USP7: variants seen among roughly 807,000 people sequenced by gnomAD.
USP7 encodes ubiquitin C-terminal hydrolase 7.
In USP7, 9 loss-of-function variants were observed where a neutral mutation model predicts 162.9. The observed-to-expected ratio is 0.06, with a 90% confidence interval of 0.03 to 0.10. The LOEUF is 0.10. Among genes scored for constraint, USP7 ranks in the 10% least tolerant of loss-of-function variants. The pLI is 1.00. For synonymous variants in USP7, 562 were observed against 475.9 expected, an observed-to-expected ratio of 1.18 and a Z score of -2.35; for missense variants, 715 against 1,373.7, an observed-to-expected ratio of 0.52 and a Z score of 7.58.
chr16:8,895,843 T>G (rs2061673262), intron 26 of USP7, 102 bp from the exon 27 acceptor site: 2 of 654,162 alleles, frequency 3.1e-6, no homozygotes, highest in Non-Finnish European at 4.6e-6. Context: ...CGATATGTTT[T>G]TTTTTTTTTT....
chr16:8,911,287 A>G lies in USP7; in HGVS notation c.1079-460T>C, dbSNP rs371835065. 4.9e-3 allele frequency among the ~76,000 whole-genome samples: 752 copies of G among 152,314 alleles called. 6 individuals carry two copies. Among genetic ancestry groups the G allele is most frequent in the African/African-American group, 0.017 (703 of 41,556 alleles). ...TTGGTCCTGACATCTCCCCACCCCC[A>G]CCTGTTCCAGGTGGATTGTAGATAA... On this transcript the variant is annotated intron_variant, in intron 10 of 30. Transcript: ENST00000344836.
chr16:8,917,238 T>C, intron 6 of USP7, 82 bp from the exon 7 acceptor site: 1 of 1,449,534 alleles, frequency 6.9e-7, no homozygotes. Flanking sequence ...AATCTTCATG[T>C]TTAAAAAAAT....
intron 1 of USP7, chr16:8,956,318 G>C (rs554905683): frequency 6.6e-6 from 1 of 152,228 alleles, no homozygotes; most frequent in South Asian, 2.1e-4. Flanking sequence ...CTTGAGAATG[G>C]GCCACAGCGC....
chr16:8,955,974 C>T (rs566458499), intron 1 of USP7, among the ~76,000 whole-genome samples: 26 of 152,198 alleles, frequency 1.7e-4, no homozygotes, highest in African/African-American at 6.0e-4. Flanking sequence ...AGATTACCAC[C>T]CAGACACTTG....
In USP7 at chr16:8,911,718, G is replaced by A. The variant is rs759303965; in HGVS notation, c.1079-891C>T. On this transcript the variant is annotated intron_variant, in intron 10 of 30. Coordinates refer to ENST00000344836, the MANE Select transcript of USP7 (RefSeq NM_003470.3). The stretch of plus-strand genomic sequence containing the variant: ...AGCTCAAGGGAGCGGGAACCTGCTG[G>A]GCAGAGTAGCCTAAAGCAGAATGCT... Among the ~76,000 whole-genome samples the A allele has an allele frequency of 3.7e-4, 56 of 152,222 alleles. 1 individual carries two copies. The highest frequency in any genetic ancestry group is 1.3e-4 in the Non-Finnish European group (9 of 68,042).
At chr16:8,957,805 C>CA (rs1422951043) in intron 1 of USP7, among the ~76,000 whole-genome samples, 1 of 151,524 alleles carries the variant, frequency 6.6e-6, no homozygotes, top group East Asian at 1.9e-4. Context: ...AAAACGATAA[C>CA]AAAAATAGAC....
rs143342816 is a variant in USP7, at chr16:8,923,820, G to C, written c.185-407C>G. Reference sequence around the variant, plus strand: ...GGTAAAGACCACGACATGGGACTTGGGCTGACTTTACAGAGCACGGAACAC... The same window carrying C: ...GGTAAAGACCACGACATGGGACTTGCGCTGACTTTACAGAGCACGGAACAC... On this transcript the variant is annotated intron_variant, in intron 2 of 30. Coordinates refer to ENST00000344836, the MANE Select transcript of USP7 (RefSeq NM_003470.3). Among the ~76,000 whole-genome samples, 216 of 152,268 alleles carry C rather than the reference G, an allele frequency of 1.4e-3. 1 individual carries two copies. The highest frequency in any genetic ancestry group is 5.0e-3 in the African/African-American group (209 of 41,534).
chr16:8,911,507 G>A (rs924080176), intron 10 of USP7, among the ~76,000 whole-genome samples: 5 of 152,220 alleles, frequency 3.3e-5, no homozygotes, highest in African/African-American at 1.2e-4. Flanking sequence ...CTCCGGTCAT[G>A]AAGGAAAAAC....
intron 10 of USP7, among the ~76,000 whole-genome samples, chr16:8,912,107 C>CA (rs750266512): frequency 2.0e-5 from 3 of 152,190 alleles, no homozygotes; most frequent in Admixed American, 6.5e-5. Flanking sequence ...ATCTAACACC[C>CA]AGCAAGATAA....
At chr16:8,961,122 T>C (rs1395630976) in intron 1 of USP7, among the ~76,000 whole-genome samples, 1 of 152,174 alleles carries the variant, frequency 6.6e-6, no homozygotes, top group East Asian at 1.9e-4. Flanking sequence ...CTTCATTTTA[T>C]GAGAAAAGAA....
intron 13 of USP7, among the ~76,000 whole-genome samples, chr16:8,906,026 G>C (rs1026534718): frequency 6.6e-6 from 1 of 152,196 alleles, no homozygotes; most frequent in African/African-American, 2.4e-5. Context: ...CCCAAGAGTG[G>C]TGGTGAAGAC....
chr16:8,919,682 C>A (rs1596377352), intron 5 of USP7, among the ~76,000 whole-genome samples: 1 of 150,890 alleles, frequency 6.6e-6, no homozygotes, highest in East Asian at 2.0e-4. Context: ...TACCTTCCCA[C>A]CCCCACCCCA....
chr16:8,901,184 T>A lies in USP7; in HGVS notation c.2098A>T (p.Asn700Tyr), dbSNP rs1381019671. Residue 700 changes from asparagine (N) to tyrosine (Y), a missense_variant, in exon 19 of 31, where the codon AAT (asparagine) becomes TAT (tyrosine). Physicochemically the swap from Asn to Tyr is moderately radical, Grantham distance 143. This residue lies in a region of USP7 where 197 missense variants were observed against 306.5 expected (regional missense o/e 0.64). Transcript: ENST00000344836. Reference sequence around the variant, plus strand: ...GGTGTGTAGATATGCCCACAGTAATTCAAGCTCCGCGTTTTGGGATCATAC... The same window carrying A: ...GGTGTGTAGATATGCCCACAGTAATACAAGCTCCGCGTTTTGGGATCATAC... ...KMYDPKTRSL[N>Y]YCGHIYTPIS... is the part of the protein sequence containing the mutation. 3 of 1,613,892 alleles carry A rather than the reference T, an allele frequency of 1.9e-6. No homozygotes were observed. The highest frequency in any genetic ancestry group is 2.5e-6 in the Non-Finnish European group (3 of 1,179,942).
At chr16:8,902,233 G>C (rs1047415444) in intron 17 of USP7, 46 bp from the exon 18 acceptor site, 23 of 1,599,394 alleles carry the variant, frequency 1.4e-5, no homozygotes, top group Non-Finnish European at 1.8e-5. Context: ...TAATGGCTTA[G>C]GTGACAGAGC....
intron 1 of USP7, among the ~76,000 whole-genome samples, chr16:8,957,723 C>CTA (rs1899866256): frequency 6.6e-6 from 1 of 151,326 alleles, no homozygotes; most frequent in Non-Finnish European, 1.5e-5. Flanking sequence ...GCCCACTGCA[C>CTA]TACAGCCAGA....
At chr16:8,962,121 C>A (rs1466891238) in intron 1 of USP7, among the ~76,000 whole-genome samples, 3 of 152,210 alleles carry the variant, frequency 2.0e-5, no homozygotes, top group African/African-American at 7.2e-5. Flanking sequence ...CCGCACAGGA[C>A]AAATACTGCT....
At chr16:8,946,664 A>G (rs1596409753) in intron 1 of USP7, among the ~76,000 whole-genome samples, 1 of 152,274 alleles carries the variant, frequency 6.6e-6, no homozygotes, top group Admixed American at 6.5e-5. Context: ...GCAAAGGCAC[A>G]CCTCCAATAA....
chr16:8,954,124 A>C (rs1308240570), intron 1 of USP7, among the ~76,000 whole-genome samples: 2 of 21,624 alleles, frequency 9.2e-5, no homozygotes, highest in African/African-American at 3.3e-4. Flanking sequence ...GAGGGAAGAC[A>C]CGTGCCCCCT....
intron 22 of USP7, 32 bp from the exon 23 acceptor site, chr16:8,899,220 G>C (rs139102753): frequency 1.2e-6 from 2 of 1,609,944 alleles, no homozygotes; most frequent in African/African-American, 2.7e-5. Context: ...TCACATTTTG[G>C]GGAAAAATTG....
Sources: gnomAD v4.1 joint callset for allele counts (sites outside exome capture counted in the v4.1 genomes callset) on GRCh38, gnomAD v4.1.1 for gene constraint, gnomAD v4.1.1 regional missense constraint, MANE v1.5 for transcripts, NCBI Gene and HGNC (gene_info 2026-07-23, HGNC 2026-07-21) for gene names.